The following MRPS27 variants were observed in gnomAD, a reference collection of about 807,000 sequenced individuals.
MRPS27 encodes the protein small ribosomal subunit protein mS27.
MRPS27 carries 43 observed loss-of-function variants against 48.9 expected under a neutral mutation model. The ratio of observed to expected loss-of-function variants is 0.88; its 90% CI spans 0.69 to 1.13. The LOEUF is 1.13. MRPS27 is among the 50% of genes most tolerant of loss of function. The pLI, the probability that MRPS27 is intolerant of heterozygous loss-of-function variation, is 0.00. For missense variants in MRPS27, 467 were observed against 476.3 expected (o/e 0.98, Z 0.18); for synonymous variants, 188 against 171.9 (o/e 1.09, Z -0.73).
chr5:72,238,060 A>G lies in MRPS27; in HGVS notation c.350T>C (p.Leu117Pro), dbSNP rs943682115. 1 of 1,613,634 alleles carries G rather than the reference A, an allele frequency of 6.2e-7. No individual in the cohort carries two copies. Among genetic ancestry groups the G allele is most frequent in the African/African-American group, 1.3e-5 (1 of 75,004 alleles). The change falls in exon 5 of 11, where the codon CTA becomes CCA. Residue 117 changes from leucine to proline, a missense_variant. Leu to Pro is a moderately conservative substitution (Grantham distance 98). Coordinates refer to ENST00000261413, the MANE Select transcript of MRPS27 (RefSeq NM_015084.3). Reference sequence around the variant, plus strand: ...GGCTTTGTCTTGTGCATCATATTTTAGACACTGCCTAATCCAGGTGTGGAT... The same window carrying G: ...GGCTTTGTCTTGTGCATCATATTTTGGACACTGCCTAATCCAGGTGTGGAT... ...WTIHTWIRQC[L>P]KYDAQDKALY... is the part of the protein sequence containing the mutation.
chr5:72,239,013 A>T (rs1471254949), intron 4 of MRPS27, among the ~76,000 whole-genome samples: 1 of 152,108 alleles, frequency 6.6e-6, no homozygotes, highest in East Asian at 1.9e-4. Context: ...TTTGATTAGG[A>T]TGGACCCTCA....
intron 4 of MRPS27, among the ~76,000 whole-genome samples, chr5:72,269,821 T>G (rs1419995668): frequency 6.6e-6 from 1 of 152,108 alleles, no homozygotes; most frequent in Non-Finnish European, 1.5e-5. Flanking sequence ...ACAGAAAAAT[T>G]TCTTGGGATG....
At chr5:72,302,044 G>A (rs1375428783) in intron 2 of MRPS27, among the ~76,000 whole-genome samples, 1 of 152,226 alleles carries the variant, frequency 6.6e-6, no homozygotes, top group African/African-American at 2.4e-5. Flanking sequence ...TACTGTGGCA[G>A]ATGGTTGTGG....
chr5:72,258,606 G>A (rs1341239473), intron 4 of MRPS27, among the ~76,000 whole-genome samples: 1 of 152,112 alleles, frequency 6.6e-6, no homozygotes, highest in Non-Finnish European at 1.5e-5. Flanking sequence ...GTGGAAGTGG[G>A]TTTGCTTTCT....
intron 5 of MRPS27, 39 bp from the exon 6 acceptor site, chr5:72,234,236 AT>A: frequency 7.2e-7 from 1 of 1,392,840 alleles, no homozygotes; most frequent in Non-Finnish European, 9.5e-7. Context: ...AAAAGAGAAA[AT>A]TATCTAATTT....
chr5:72,283,693 G>C (rs1385768234), intron 4 of MRPS27, among the ~76,000 whole-genome samples: 1 of 151,966 alleles, frequency 6.6e-6, no homozygotes, highest in African/African-American at 2.4e-5. Context: ...AAGTAGGCAA[G>C]ATATGATCCA....
intron 3 of MRPS27, among the ~76,000 whole-genome samples, chr5:72,297,311 A>G (rs55708450): frequency 0.063 from 9,629 of 152,204 alleles, 546 homozygotes; most frequent in African/African-American, 0.15. Context: ...TAACGGGTAA[A>G]TATCATTACT....
Position 72,244,284 on chromosome 5 carries a change from TAAC to T in MRPS27, c.282-6159_282-6157del, listed in dbSNP as rs1334086748. On this transcript the variant is annotated intron_variant, in intron 4 of 10. Coordinates refer to ENST00000261413, the MANE Select transcript of MRPS27 (RefSeq NM_015084.3). ...TGTGGAGTGCTAAATAAATGCAGCA[TAAC>T]AACACATTTTTTGAAATGAAGATAG... Among the ~76,000 whole-genome samples, 9 of 152,254 alleles carry T rather than the reference TAAC, an allele frequency of 5.9e-5. No individual in the cohort carries two copies. In the East Asian group the frequency reaches 1.7e-3, roughly 29 times the overall value.
At chr5:72,275,041 C>T (rs1208507114) in intron 4 of MRPS27, among the ~76,000 whole-genome samples, 1 of 151,934 alleles carries the variant, frequency 6.6e-6, no homozygotes, top group African/African-American at 2.4e-5. Flanking sequence ...GAATCAGGCA[C>T]GAGAAAGAAA....
intron 4 of MRPS27, among the ~76,000 whole-genome samples, chr5:72,243,065 C>T (rs547598061): frequency 6.6e-6 from 1 of 152,302 alleles, no homozygotes; most frequent in African/African-American, 2.4e-5. Flanking sequence ...TATCCTGTGG[C>T]AACAGGCTTT....
At chr5:72,305,661 C>A (rs959373986) in intron 2 of MRPS27, among the ~76,000 whole-genome samples, 1 of 152,128 alleles carries the variant, frequency 6.6e-6, no homozygotes, top group Non-Finnish European at 1.5e-5. Context: ...GCTCATGAAT[C>A]CTGAATTCAG....
At position 72,308,976 on chromosome 5, in the gene MRPS27, G is replaced by T. The variant is rs529529590; in HGVS notation, c.151+5105C>A. On this transcript the variant is annotated intron_variant, in intron 2 of 10. Coordinates refer to ENST00000261413, the MANE Select transcript of MRPS27 (RefSeq NM_015084.3). The stretch of plus-strand genomic sequence containing the variant: ...TAATTTATAGGCACAGAAACCGAGT[G>T]TGACAGCTGAAAGCCGCAGAACTGG... Among the ~76,000 whole-genome samples, 13 of 152,306 alleles carry T rather than the reference G, an allele frequency of 8.5e-5. No individual in the cohort carries two copies. The South Asian group carries it at 1.9e-3, about 22-fold the overall frequency.
intron 2 of MRPS27, among the ~76,000 whole-genome samples, chr5:72,299,914 G>A (rs1750084912): frequency 6.6e-6 from 1 of 152,152 alleles, no homozygotes; most frequent in Non-Finnish European, 1.5e-5. Flanking sequence ...TGTCTACCAG[G>A]TTACTAGCAT....
At chr5:72,254,411 A>C (rs1365749971) in intron 4 of MRPS27, among the ~76,000 whole-genome samples, 1 of 152,174 alleles carries the variant, frequency 6.6e-6, no homozygotes, top group Non-Finnish European at 1.5e-5. Context: ...TGGAAGAAAA[A>C]AGAGACCAAG....
intron 4 of MRPS27, among the ~76,000 whole-genome samples, chr5:72,251,646 G>T (rs1270886613): frequency 6.6e-6 from 1 of 152,224 alleles, no homozygotes; most frequent in Non-Finnish European, 1.5e-5. Flanking sequence ...GGTTGAGGTA[G>T]ACAGCTAAGG....
At chr5:72,312,994 A>G (rs1184921405) in intron 2 of MRPS27, among the ~76,000 whole-genome samples, 1 of 152,224 alleles carries the variant, frequency 6.6e-6, no homozygotes, top group Non-Finnish European at 1.5e-5. Context: ...GCAAAAGAAG[A>G]GTATGATAAA....
chr5:72,292,026 T>C (rs1749833520), intron 4 of MRPS27, among the ~76,000 whole-genome samples: 3 of 152,242 alleles, frequency 2.0e-5, no homozygotes, highest in African/African-American at 4.8e-5. Context: ...CTGGCTCAAA[T>C]CCTTATTTCA....
At chr5:72,221,914 C>T (rs1176317440) in intron 10 of MRPS27, among the ~76,000 whole-genome samples, 4 of 152,082 alleles carry the variant, frequency 2.6e-5, no homozygotes, top group Admixed American at 2.0e-4. Flanking sequence ...GTATTAAAAA[C>T]ATTAATCTAT....
chr5:72,273,285 A>G (rs142222183), intron 4 of MRPS27, among the ~76,000 whole-genome samples: 183 of 152,358 alleles, frequency 1.2e-3, no homozygotes, highest in African/African-American at 4.2e-3. Context: ...AAAGTGAGAA[A>G]AAATTAGCCT....
Sources: allele counts gnomAD v4.1 joint callset (sites outside exome capture counted in the v4.1 genomes callset), GRCh38; gene constraint gnomAD v4.1.1; transcripts MANE v1.5; gene names NCBI Gene and HGNC (gene_info 2026-07-23, HGNC 2026-07-21).